Variants in PCDH15 observed in about 807,000 individuals in gnomAD.
The protein encoded by PCDH15 is protocadherin related 15.
In PCDH15, 129 loss-of-function variants were observed where a neutral mutation model predicts 178.5. The observed-to-expected ratio is 0.72, with a 90% CI of 0.63 to 0.84. The LOEUF (loss-of-function observed/expected upper bound fraction) is 0.84, where lower values mean the gene tolerates loss of function less well. Among genes scored for constraint, PCDH15 ranks in the 40% least tolerant of loss-of-function variants. The pLI is 0.00. For missense variants in PCDH15, 2,230 were observed against 2,099.9 expected (o/e 1.06, Z -1.21); for synonymous variants, 800 against 732.0 (o/e 1.09, Z -1.50).
At position 53,945,845 on chromosome 10, in the gene PCDH15, A is replaced by G. The variant is rs1332285747; in HGVS notation, c.3123-4870T>C. Among the ~76,000 whole-genome samples the G allele has an allele frequency of 8.6e-3, 142 of 16,498 alleles. 1 individual carries two copies. Among genetic ancestry groups the G allele is most frequent in the African/African-American group, 0.034 (137 of 3,974 alleles). 10.8% of individuals were successfully genotyped at this position (16,498 alleles called of 152,430 possible). A position where few individuals can be genotyped will look rare whatever the true frequency, so the allele number is the denominator to read the frequency against. On this transcript the variant is annotated intron_variant, in intron 23 of 37. Transcript: ENST00000644397. Reference sequence around the variant, plus strand: ...CTGAGTAATATTTCATTGTATATATATATATATATATATATATATATATAT... The same window carrying G: ...CTGAGTAATATTTCATTGTATATATGTATATATATATATATATATATATAT...
At chr10:54,384,072 G>T (rs1327180986) in intron 3 of PCDH15, among the ~76,000 whole-genome samples, 1 of 149,718 alleles carries the variant, frequency 6.7e-6, no homozygotes, top group Non-Finnish European at 1.5e-5. Context: ...GACTTCAGGT[G>T]ATCCATCCGC....
chr10:55,378,108 G>C (rs1471959704), intron 2 of PCDH15, among the ~76,000 whole-genome samples: 1 of 152,114 alleles, frequency 6.6e-6, no homozygotes, highest in African/African-American at 2.4e-5. Flanking sequence ...ATCTAATGTA[G>C]ATGACGGGTT....
At chr10:54,979,615 G>A (rs961744163) in intron 2 of PCDH15, among the ~76,000 whole-genome samples, 5 of 148,350 alleles carry the variant, frequency 3.4e-5, no homozygotes, top group African/African-American at 1.2e-4. Context: ...GTTGCAGTGA[G>A]CTAAGATTGT....
chr10:54,910,438 T>G (rs1039838351), intron 2 of PCDH15, among the ~76,000 whole-genome samples: 8 of 152,164 alleles, frequency 5.3e-5, no homozygotes, highest in Non-Finnish European at 1.2e-4. Flanking sequence ...ACTGCTTTGT[T>G]TAAAAAGAGA....
intron 2 of PCDH15, among the ~76,000 whole-genome samples, chr10:54,991,955 A>G (rs2131917949): frequency 6.6e-6 from 1 of 152,236 alleles, no homozygotes; most frequent in East Asian, 1.9e-4. Flanking sequence ...TACAAATAAG[A>G]CAACGGCTAA....
intron 21 of PCDH15, among the ~76,000 whole-genome samples, chr10:53,970,783 T>A (rs1027883218): frequency 6.6e-6 from 1 of 152,032 alleles, no homozygotes; most frequent in African/African-American, 2.4e-5. Context: ...GCTCTGAAAT[T>A]GAGGCAATAA....
intron 18 of PCDH15, among the ~76,000 whole-genome samples, chr10:54,038,853 A>T (rs905134125): frequency 6.6e-6 from 1 of 152,032 alleles, no homozygotes; most frequent in African/African-American, 2.4e-5. Flanking sequence ...ACACACATAT[A>T]TTAAATTATT....
intron 25 of PCDH15, among the ~76,000 whole-genome samples, chr10:53,929,066 A>C (rs2133959348): frequency 6.6e-6 from 1 of 152,160 alleles, no homozygotes; most frequent in Non-Finnish European, 1.5e-5. Context: ...TTTTTCTCAT[A>C]TATGCAGAAA....
intron 2 of PCDH15, among the ~76,000 whole-genome samples, chr10:55,499,404 TACAC>T (rs200878607): frequency 0.29 from 39,079 of 136,030 alleles, 5,422 homozygotes; most frequent in East Asian, 0.44. Flanking sequence ...AGACTCTCCC[TACAC>T]ACACACACAC....
intron 1 of PCDH15, among the ~76,000 whole-genome samples, chr10:55,185,867 GTT>G (rs1348550633): frequency 6.6e-6 from 1 of 151,656 alleles, no homozygotes; most frequent in African/African-American, 2.4e-5. Context: ...CTGTAAAACT[GTT>G]TGGATTGAAA....
intron 9 of PCDH15, among the ~76,000 whole-genome samples, chr10:54,226,780 G>A (rs551274783): frequency 4.6e-5 from 7 of 152,234 alleles, no homozygotes; most frequent in South Asian, 4.1e-4. Context: ...GTGGGGATAC[G>A]GGCATTGGAT....
At chr10:54,756,655 C>T (rs1453369954) in intron 1 of PCDH15, among the ~76,000 whole-genome samples, 1 of 151,966 alleles carries the variant, frequency 6.6e-6, no homozygotes, top group African/African-American at 2.4e-5. Context: ...CTAAACAAAC[C>T]AGTCATTTAT....
rs570880732 is a variant in PCDH15, at chr10:54,899,205, C to T, written c.-79-1705G>A. Among the ~76,000 whole-genome samples, 31 of 152,174 alleles carry T rather than the reference C, an allele frequency of 2.0e-4. No homozygotes were observed. The South Asian group carries it at 3.9e-3, about 19-fold the overall frequency. On this transcript the variant is annotated intron_variant, in intron 2 of 5. Coordinates refer to the PCDH15 transcript ENST00000458638. ...AATATAAAGTGGATCTAAGTTATAT[C>T]CTAATACATGAAGATGATGCAAATA... is the stretch of plus-strand genomic sequence containing the variant.
At chr10:54,060,842 G>C (rs773403991) in intron 18 of PCDH15, among the ~76,000 whole-genome samples, 2 of 152,140 alleles carry the variant, frequency 1.3e-5, no homozygotes, top group Non-Finnish European at 2.9e-5. Flanking sequence ...AGGAGCATAA[G>C]AGGTGAGGGT....
intron 2 of PCDH15, among the ~76,000 whole-genome samples, chr10:55,598,668 A>G (rs1842994719): frequency 1.3e-5 from 2 of 151,198 alleles, no homozygotes; most frequent in African/African-American, 4.9e-5. Flanking sequence ...AACCTTCATG[A>G]AATCTAAATG....
At chr10:54,637,246 T>C (rs1252416422) in intron 2 of PCDH15, among the ~76,000 whole-genome samples, 1 of 151,940 alleles carries the variant, frequency 6.6e-6, no homozygotes, top group Non-Finnish European at 1.5e-5. Context: ...CTTGTCAGTA[T>C]CCCTCACTAT....
intron 6 of PCDH15, among the ~76,000 whole-genome samples, chr10:54,331,868 T>C (rs1939666280): frequency 6.6e-6 from 1 of 151,954 alleles, no homozygotes; most frequent in South Asian, 2.1e-4. Context: ...AAAACAGTAA[T>C]TCCATTCTCT....
At chr10:55,160,086 C>T (rs896319073) in intron 2 of PCDH15, among the ~76,000 whole-genome samples, 7 of 152,114 alleles carry the variant, frequency 4.6e-5, no homozygotes, top group South Asian at 2.1e-4. Context: ...GTCTCTGTTT[C>T]GCTACCAGTG....
chr10:55,446,184 T>C (rs532299601), intron 2 of PCDH15, among the ~76,000 whole-genome samples: 2 of 150,954 alleles, frequency 1.3e-5, no homozygotes, highest in African/African-American at 4.9e-5. Flanking sequence ...CACATTGACA[T>C]ACACACACTC....
Sources: gnomAD v4.1 joint callset for allele counts (sites outside exome capture counted in the v4.1 genomes callset) on GRCh38, gnomAD v4.1.1 for gene constraint, MANE v1.5 for transcripts, NCBI Gene and HGNC (gene_info 2026-07-23, HGNC 2026-07-21) for gene names.